Variants in KIF21A observed in about 807,000 individuals in gnomAD.
KIF21A encodes kinesin family member 21A, also known as kinesin-like protein KIF21A.
KIF21A carries 114 observed loss-of-function variants against 202.9 expected under a neutral mutation model. That is an observed-to-expected ratio of 0.56 (90% confidence interval 0.48 to 0.66). The LOEUF is 0.66. Ranked by LOEUF, KIF21A falls within the 30% of genes least tolerant of loss-of-function variation. KIF21A has a pLI of 0.00. For missense variants in KIF21A, 1,677 were observed against 1,994.9 expected (o/e 0.84, Z 3.04); for synonymous variants, 667 against 670.8 (o/e 0.99, Z 0.09).
At chr12:39,332,056 G>C (rs1307859606) in intron 21 of KIF21A, 158 bp downstream of exon 21, 4 of 721,894 alleles carry the variant, frequency 5.5e-6, no homozygotes, top group South Asian at 5.3e-5. Flanking sequence ...AGAGAAATCT[G>C]AAAAGCAAGC....
chr12:39,326,226 A>G, intron 25 of KIF21A, 38 bp downstream of exon 25: 1 of 1,415,716 alleles, frequency 7.1e-7, no homozygotes, highest in Non-Finnish European at 1.0e-6. Context: ...TAAAATATGT[A>G]AATAAGTCAA....
intron 24 of KIF21A, among the ~76,000 whole-genome samples, chr12:39,329,488 TAAAG>T (rs1452718353): frequency 6.7e-6 from 1 of 148,702 alleles, no homozygotes; most frequent in Non-Finnish European, 1.5e-5. Context: ...GGGAGAAAGA[TAAAG>T]AAGAAGAGGA....
chr12:39,295,182 G>A (rs1285817201), intron 37 of KIF21A, among the ~76,000 whole-genome samples: 1 of 152,192 alleles, frequency 6.6e-6, no homozygotes. Context: ...CTGATGCCCT[G>A]TAAATATACA....
intron 1 of KIF21A, among the ~76,000 whole-genome samples, chr12:39,426,876 T>G (rs1954802149): frequency 7.4e-6 from 1 of 134,416 alleles, no homozygotes; most frequent in African/African-American, 3.1e-5. Flanking sequence ...AGAGTGAGAC[T>G]CTGTTAAAAA....
chr12:39,418,326 G>A (rs191988846), intron 1 of KIF21A, among the ~76,000 whole-genome samples: 6 of 152,082 alleles, frequency 3.9e-5, no homozygotes, highest in Admixed American at 2.6e-4. Context: ...TTAGTAATTC[G>A]GTAGGAATGA....
intron 26 of KIF21A, among the ~76,000 whole-genome samples, chr12:39,324,439 C>A (rs144758228): frequency 6.6e-6 from 1 of 152,160 alleles, no homozygotes; most frequent in Non-Finnish European, 1.5e-5. Context: ...AGGACTAGAT[C>A]CGAACCATAG....
chr12:39,300,705 TATA>T lies in KIF21A; in HGVS notation c.4931+772_4931+774del, dbSNP rs535243727. ...AAAGTACATATATATATGTACTATA[TATA>T]ATGTCATTTATATATATAAACTGTC... On this transcript the variant is annotated intron_variant, in intron 37 of 37. Transcript: ENST00000361418. 2.5e-3 allele frequency among the ~76,000 whole-genome samples: 385 copies of T among 152,270 alleles called. 1 individual carries two copies. Among genetic ancestry groups the T allele is most frequent in the South Asian group, 0.012 (56 of 4,828 alleles).
Position 39,335,263 on chromosome 12 carries a change from T to C in KIF21A, c.2418+1833A>G, listed in dbSNP as rs541266199. Among the ~76,000 whole-genome samples, 9 of 151,854 alleles carry C rather than the reference T, an allele frequency of 5.9e-5. No homozygotes were observed. The South Asian group carries it at 1.9e-3, about 32-fold the overall frequency. ...CCCATCTCTACTAAAAATACAAAAA[T>C]TAGCCAGGTGTGGTGGTGCATGCCT... On this transcript the variant is annotated intron_variant, in intron 17 of 37. Coordinates refer to ENST00000361418, the MANE Select transcript of KIF21A (RefSeq NM_001173464.2).
chr12:39,412,125 G>A (rs963016202), intron 1 of KIF21A, among the ~76,000 whole-genome samples: 3 of 152,112 alleles, frequency 2.0e-5, no homozygotes, highest in African/African-American at 4.8e-5. Flanking sequence ...ACACGGGAGC[G>A]TGAGCCCCAG....
At chr12:39,387,023 C>A (rs1950989105) in intron 1 of KIF21A, among the ~76,000 whole-genome samples, 1 of 151,390 alleles carries the variant, frequency 6.6e-6, no homozygotes, top group Admixed American at 6.6e-5. Context: ...TTGCAGAACA[C>A]AAAGTCCAAC....
At chr12:39,295,383 AAAAT>A (rs779390606) in intron 37 of KIF21A, among the ~76,000 whole-genome samples, 57 of 152,328 alleles carry the variant, frequency 3.7e-4, no homozygotes, top group African/African-American at 1.2e-3. Context: ...CAAAGTAAAA[AAAAT>A]AAATAAAGAA....
At chr12:39,415,230 CTTT>C (rs1161997461) in intron 1 of KIF21A, among the ~76,000 whole-genome samples, 604 of 55,184 alleles carry the variant, frequency 0.011, 4 homozygotes, top group African/African-American at 0.043. Flanking sequence ...GTAGAGAATG[CTTT>C]TTTTTTTTTT....
At chr12:39,411,853 T>C (rs1190523353) in intron 1 of KIF21A, among the ~76,000 whole-genome samples, 3 of 152,080 alleles carry the variant, frequency 2.0e-5, no homozygotes, top group African/African-American at 7.2e-5. Flanking sequence ...TAATTTTTTT[T>C]TTAAACAGTC....
chr12:39,381,075 G>A (rs1950579421), intron 1 of KIF21A, among the ~76,000 whole-genome samples: 1 of 152,092 alleles, frequency 6.6e-6, no homozygotes, highest in African/African-American at 2.4e-5. Context: ...GGAGGCTGAG[G>A]AGGGTGGATC....
chr12:39,315,592 C>T (rs1001118425), intron 30 of KIF21A, among the ~76,000 whole-genome samples: 1 of 151,808 alleles, frequency 6.6e-6, no homozygotes, highest in African/African-American at 2.4e-5. Flanking sequence ...CTACCTCACA[C>T]ACTTTGAGGC....
intron 25 of KIF21A, 81 bp from the exon 26 acceptor site, chr12:39,325,974 AC>A (rs1945861689): frequency 9.3e-7 from 1 of 1,071,140 alleles, no homozygotes; most frequent in African/African-American, 1.6e-5. Flanking sequence ...ATCAACGACT[AC>A]AAAAAATTTA....
chr12:39,435,469 TG>T (rs1938557460), intron 1 of KIF21A, among the ~76,000 whole-genome samples: 1 of 152,204 alleles, frequency 6.6e-6, no homozygotes, highest in African/African-American at 2.4e-5. Context: ...TGTGTAGATG[TG>T]GGATTTAGGA....
Position 39,318,191 on chromosome 12 carries a change from C to T in KIF21A, c.3790G>A (p.Gly1264Arg). The T allele has an allele frequency of 1.2e-6, 2 of 1,613,102 alleles. No homozygotes were observed. Among genetic ancestry groups the T allele is most frequent in the South Asian group, 2.2e-5 (2 of 91,050 alleles). ...GGTGAAAGACTAGCCTCTGAAGTTCCAGAATCTGAGCTACAAGAAAAAAAG... is the reference window on the plus strand; with the variant it reads ...GGTGAAAGACTAGCCTCTGAAGTTCTAGAATCTGAGCTACAAGAAAAAAAG... Reference protein sequence around the residue: ...KAKEQKHSDSGTSEASLSPPS... With the variant: ...KAKEQKHSDSRTSEASLSPPS... The change falls in exon 29 of 38, where the codon GGA becomes AGA. Residue 1264 changes from glycine to arginine, a missense_variant. Gly to Arg is a moderately radical substitution (Grantham distance 125, BLOSUM62 -2). Transcript: ENST00000361418.
At chr12:39,309,525 A>G (rs1316331869) in intron 33 of KIF21A, 61 bp downstream of exon 33, 2 of 165,812 alleles carry the variant, frequency 1.2e-5, no homozygotes, top group East Asian at 3.9e-4. Context: ...TTATATTTGT[A>G]AAAAAAAAAA....
Sources: allele counts gnomAD v4.1 joint callset (sites outside exome capture counted in the v4.1 genomes callset), GRCh38; gene constraint gnomAD v4.1.1; transcripts MANE v1.5; gene names NCBI Gene and HGNC (gene_info 2026-07-23, HGNC 2026-07-21).